Variants in MDH1 observed in about 807,000 individuals in gnomAD.
MDH1 encodes malate dehydrogenase, cytoplasmic.
Under a neutral mutation model 38.7 loss-of-function variants are expected in MDH1, and 15 were observed. The ratio of observed to expected loss-of-function variants is 0.39; its 90% confidence interval spans 0.26 to 0.60. The LOEUF is 0.60. Among genes scored for constraint, MDH1 ranks in the 20% least tolerant of loss-of-function variants. MDH1 has a pLI of 0.56. For synonymous variants in MDH1, 144 were observed against 143.6 expected (o/e 1.00, Z -0.02); for missense variants, 368 against 405.2 (o/e 0.91, Z 0.79).
chr2:63,605,155 A>G (rs1709502502), intron 6 of MDH1, 125 bp from the exon 7 acceptor site: 2 of 684,828 alleles, frequency 2.9e-6, no homozygotes, highest in Non-Finnish European at 5.0e-6. Context: ...GGGTTGTTGC[A>G]TGATTTTGGA....
Position 63,604,858 on chromosome 2 carries a change from G to A in MDH1, c.661G>A (p.Gly221Arg), listed in dbSNP as rs751230281. ...TCTGAAAGATGACAGCTGGCTCAAG[G>A]GAGAATTTGTCACGGTAAGAAAAAT... ...EALKDDSWLK[G>R]EFVTTVQQRG... Residue 221 changes from glycine (G) to arginine (R), a missense_variant, in exon 6 of 9, where the codon GGA (glycine) becomes AGA (arginine). Gly to Arg is a moderately radical substitution (Grantham distance 125, BLOSUM62 -2). Coordinates refer to ENST00000233114, the MANE Select transcript of MDH1 (RefSeq NM_005917.4). 6.2e-7 allele frequency: 1 copy of A among 1,614,072 alleles called. No homozygotes were observed. Among genetic ancestry groups the A allele is most frequent in the Non-Finnish European group, 8.5e-7 (1 of 1,180,020 alleles).
Position 63,606,841 on chromosome 2 carries a change from AT to A in MDH1, c.880-18del. 1 of 1,585,304 alleles carries A rather than the reference AT, an allele frequency of 6.3e-7. No homozygotes were observed. The highest frequency in any genetic ancestry group is 8.6e-7 in the Non-Finnish European group (1 of 1,165,868). On this transcript the variant is annotated intron_variant, in intron 8 of 8. Coordinates refer to ENST00000233114, the MANE Select transcript of MDH1 (RefSeq NM_005917.4). Reference sequence around the variant, plus strand: ...AGATCAGTTCCAGTTTAAATCTCTTATTTGCATTATTTTCAAACAGAATAAG... The same window carrying A: ...AGATCAGTTCCAGTTTAAATCTCTTATTGCATTATTTTCAAACAGAATAAG...
At chr2:63,600,737 G>A (rs957265575) in intron 5 of MDH1, among the ~76,000 whole-genome samples, 1 of 152,130 alleles carries the variant, frequency 6.6e-6, no homozygotes, top group African/African-American at 2.4e-5. Context: ...TTCCCTGAGA[G>A]GCTATAGGCT....
rs764994682 is a variant in MDH1 at position 63,595,440 on chromosome 2, G to A, written c.120G>A (p.Leu40=). ...FGKDQPIILV[L]LDITPMMGVL... ...TTTGGTAGCCTATAATTCTTGTGCT[G>A]TTGGATATCACCCCCATGATGGGTG... is the stretch of plus-strand genomic sequence containing the variant. The change falls in exon 3 of 9, where the codon CTG becomes CTA. Residue 40 remains leucine, a synonymous_variant. Transcript: ENST00000233114. 4 of 1,610,590 alleles carry A rather than the reference G, an allele frequency of 2.5e-6. No homozygotes were observed. Among genetic ancestry groups the A allele is most frequent in the Non-Finnish European group, 3.4e-6 (4 of 1,176,776 alleles).
rs1272262615 is a variant in MDH1 at position 63,590,675 on chromosome 2, G to A, written c.3+1629G>A. ...CAGATAATTTTCCCAAGGTCACAGA[G>A]ATTTTGGGCCCCAGATTCTTAGCTA... is the stretch of plus-strand genomic sequence containing the variant. On this transcript the variant is annotated intron_variant, in intron 1 of 8. Coordinates refer to ENST00000233114, the MANE Select transcript of MDH1 (RefSeq NM_005917.4). 3 of 152,292 alleles carry A rather than the reference G, an allele frequency of 2.0e-5. No homozygotes were observed. In the East Asian group the frequency reaches 5.8e-4, roughly 29 times the overall value. The allele number at this position is 152,292 out of a possible 1,614,324, so 9.4% of individuals were successfully genotyped here. A position where few individuals can be genotyped will look rare whatever the true frequency, so the allele number is the denominator to read the frequency against.
rs3752740 is a variant in MDH1 at position 63,594,739 on chromosome 2, G to C, written c.102+153G>C. On this transcript the variant is annotated intron_variant, in intron 2 of 8. Coordinates refer to ENST00000233114, the MANE Select transcript of MDH1 (RefSeq NM_005917.4). ...CATTGCTATAAATGGAAGCTACTAA[G>C]GTATTTATATGTACGCCTCCAGGCA... 1.7e-4 allele frequency: 102 copies of C among 595,774 alleles called. No individual in the cohort carries two copies. In the East Asian group the frequency reaches 3.0e-3, roughly 18 times the overall value. 36.9% of individuals were successfully genotyped at this position (595,774 alleles called of 1,614,324 possible).
chr2:63,595,372 G>A lies in MDH1; in HGVS notation c.103-51G>A, dbSNP rs368698080. ...AAACTATGTGAAAAGACTTTCTTGT[G>A]TCTAAATGAAATAGCCTACACTAAC... On this transcript the variant is annotated intron_variant, in intron 2 of 8. Transcript: ENST00000233114. The A allele has an allele frequency of 1.0e-3, 1,119 of 1,121,994 alleles. 1 individual carries two copies. Among genetic ancestry groups the A allele is most frequent in the Non-Finnish European group, 1.4e-3 (1,020 of 731,642 alleles). The allele number at this position is 1,121,994 out of a possible 1,614,324, so 69.5% of individuals were successfully genotyped here. A position where few individuals can be genotyped will look rare whatever the true frequency, so the allele number is the denominator to read the frequency against.
At chr2:63,602,347 G>GTTTTTTTTTTT (rs144884000) in intron 5 of MDH1, among the ~76,000 whole-genome samples, 3 of 104,004 alleles carry the variant, frequency 2.9e-5, no homozygotes, top group Non-Finnish European at 5.5e-5. Flanking sequence ...GTTGGTTGGG[G>GTTTTTTTTTTT]TTTTTTTTTT....
chr2:63,596,779 T>C (rs1488259448), intron 3 of MDH1, among the ~76,000 whole-genome samples: 1 of 152,176 alleles, frequency 6.6e-6, no homozygotes, highest in African/African-American at 2.4e-5. Flanking sequence ...AAAAAGCAAG[T>C]GATGTTTGCT....
intron 5 of MDH1, 171 bp downstream of exon 5, chr2:63,599,463 T>C (rs1709381629): frequency 1.7e-6 from 1 of 587,210 alleles, no homozygotes; most frequent in South Asian, 2.6e-5. Flanking sequence ...AGGGAGTCTT[T>C]AAATGTATTC....
At chr2:63,590,146 T>G (rs1709154097) in intron 1 of MDH1, 1 of 152,232 alleles carries the variant, frequency 6.6e-6, no homozygotes, top group Admixed American at 6.5e-5. Flanking sequence ...TAAATTATGG[T>G]TTCGGTAGTT....
intron 1 of MDH1, chr2:63,593,412 A>ATT: frequency 2.1e-5 from 7 of 329,904 alleles, no homozygotes; most frequent in Non-Finnish European, 3.7e-5. Flanking sequence ...CTTTTTTGAA[A>ATT]TTTTTTTTTT....
chr2:63,591,393 G>C (rs1709199554), intron 1 of MDH1, among the ~76,000 whole-genome samples: 1 of 152,110 alleles, frequency 6.6e-6, no homozygotes, highest in East Asian at 1.9e-4. Context: ...TACCTACCTG[G>C]GAAAGTAATT....
chr2:63,593,408 TG>T (rs1709239825), intron 1 of MDH1: 1 of 362,766 alleles, frequency 2.8e-6, no homozygotes, highest in Admixed American at 3.8e-5. Flanking sequence ...ACTTCTTTTT[TG>T]AAATTTTTTT....
chr2:63,593,666 G>T, intron 1 of MDH1: 1 of 471,508 alleles, frequency 2.1e-6, no homozygotes. Flanking sequence ...CATTTACCCA[G>T]CATTATCGGG....
At chr2:63,600,535 G>T (rs2106617641) in intron 5 of MDH1, among the ~76,000 whole-genome samples, 1 of 152,320 alleles carries the variant, frequency 6.6e-6, no homozygotes, top group African/African-American at 2.4e-5. Flanking sequence ...ATCTACCTCA[G>T]AGAGTTCTTA....
intron 7 of MDH1, among the ~76,000 whole-genome samples, chr2:63,605,623 T>C (rs1258124745): frequency 6.6e-6 from 1 of 152,170 alleles, no homozygotes; most frequent in Non-Finnish European, 1.5e-5. Flanking sequence ...TTAAAGGAGA[T>C]TGCACATGGA....
intron 5 of MDH1, chr2:63,599,648 A>C (rs1418549493): frequency 6.4e-6 from 1 of 155,552 alleles, no homozygotes; most frequent in Non-Finnish European, 1.4e-5. Flanking sequence ...AATCTCATAT[A>C]AACAAAGACT....
At chr2:63,599,474 T>A in intron 5 of MDH1, 182 bp downstream of exon 5, 1 of 505,908 alleles carries the variant, frequency 2.0e-6, no homozygotes, top group Non-Finnish European at 3.2e-6. Flanking sequence ...AAATGTATTC[T>A]CTTAAAGGAC....
Sources: gnomAD v4.1 joint callset for allele counts (sites outside exome capture counted in the v4.1 genomes callset) on GRCh38, gnomAD v4.1.1 for gene constraint, MANE v1.5 for transcripts, NCBI Gene and HGNC (gene_info 2026-07-23, HGNC 2026-07-21) for gene names.